The following SNCAIP variants were observed in gnomAD, a reference collection of about 807,000 sequenced individuals.
The protein encoded by SNCAIP is synuclein alpha interacting protein.
A neutral mutation model predicts 86.7 loss-of-function variants in SNCAIP; 43 were observed. The observed-to-expected ratio is 0.50, with a 90% confidence interval of 0.39 to 0.64. The LOEUF (loss-of-function observed/expected upper bound fraction) is 0.64, where lower values mean the gene tolerates loss of function less well. Among genes scored for constraint, SNCAIP ranks in the 30% least tolerant of loss-of-function variants. SNCAIP has a pLI of 0.00. For synonymous variants in SNCAIP, 417 were observed against 427.2 expected, an observed-to-expected ratio of 0.98 and a Z score of 0.29; for missense variants, 981 against 1,103.1, an observed-to-expected ratio of 0.89 and a Z score of 1.57.
At chr5:122,436,912 T>C (rs1057134405) in intron 6 of SNCAIP, 11 of 152,164 alleles carry the variant, frequency 7.2e-5, no homozygotes, top group African/African-American at 2.2e-4. Flanking sequence ...AGGAAACTGC[T>C]GAGGAAAACT....
At chr5:122,438,762 A>G (rs1211288817) in intron 6 of SNCAIP, among the ~76,000 whole-genome samples, 1 of 152,220 alleles carries the variant, frequency 6.6e-6, no homozygotes, top group Non-Finnish European at 1.5e-5. Flanking sequence ...CTTATAAAAT[A>G]AGGCTTTTTG....
At chr5:122,371,337 G>T (rs185365809) in intron 1 of SNCAIP, 2 of 152,020 alleles carry the variant, frequency 1.3e-5, no homozygotes, top group Non-Finnish European at 2.9e-5. Flanking sequence ...ACTTCAGGTG[G>T]TCATTGTGCC....
rs1212303157 is a variant in SNCAIP at position 122,330,117 on chromosome 5, C to CTTTTTTTTTTTTTTTTTT, written c.-47+17838_-47+17855dup. On this transcript the variant is annotated intron_variant, in intron 1 of 10. Coordinates refer to ENST00000261368, the MANE Select transcript of SNCAIP (RefSeq NM_005460.4). ...CTTACCTCCGTGTACAACTTCATTT[C>CTTTTTTTTTTTTTTTTTT]TTTTTTTTTTTTTTTTTTTTTTGAG... Among the ~76,000 whole-genome samples the CTTTTTTTTTTTTTTTTTT allele has an allele frequency of 1.7e-4, 16 of 96,828 alleles. 1 individual carries two copies. The highest frequency in any genetic ancestry group is 2.5e-4 in the Non-Finnish European group (12 of 48,436). The allele number at this position is 96,828 out of a possible 152,430, so 63.5% of individuals were successfully genotyped here.
chr5:122,347,307 T>A (rs1182626940), intron 1 of SNCAIP, among the ~76,000 whole-genome samples: 1 of 152,098 alleles, frequency 6.6e-6, no homozygotes, highest in Non-Finnish European at 1.5e-5. Context: ...AAAGTGATGG[T>A]CATAACATCT....
At chr5:122,383,448 C>T (rs946239164) in intron 1 of SNCAIP, 7 of 152,700 alleles carry the variant, frequency 4.6e-5, no homozygotes, top group Non-Finnish European at 8.8e-5. Flanking sequence ...TCTGGCACTC[C>T]CTAGTGAGAT....
intron 3 of SNCAIP, among the ~76,000 whole-genome samples, chr5:122,409,821 G>A (rs1374696461): frequency 2.6e-5 from 4 of 152,214 alleles, no homozygotes; most frequent in African/African-American, 9.6e-5. Flanking sequence ...AGTTGGTGAT[G>A]CTAAATATAT....
chr5:122,370,242 C>T (rs1480764390), intron 1 of SNCAIP, among the ~76,000 whole-genome samples: 2 of 151,856 alleles, frequency 1.3e-5, no homozygotes, highest in Non-Finnish European at 2.9e-5. Context: ...TAGTATGGCC[C>T]ACATGGATCC....
chr5:122,434,285 A>G (rs1042793072), intron 6 of SNCAIP, among the ~76,000 whole-genome samples: 3 of 152,218 alleles, frequency 2.0e-5, no homozygotes, highest in Non-Finnish European at 2.9e-5. Context: ...GCCAAAGAAA[A>G]GGAGGAAAGA....
chr5:122,440,460 A>G, intron 6 of SNCAIP, 169 bp from the exon 7 acceptor site: 1 of 661,072 alleles, frequency 1.5e-6, no homozygotes, highest in South Asian at 1.8e-5. Flanking sequence ...CATTCATTTC[A>G]GTCAGAGATT....
intron 3 of SNCAIP, among the ~76,000 whole-genome samples, chr5:122,410,742 G>A (rs2152894723): frequency 6.6e-6 from 1 of 152,296 alleles, no homozygotes; most frequent in South Asian, 2.1e-4. Context: ...AAAATTGCTT[G>A]AGCCTGGGAG....
At chr5:122,340,781 A>G (rs768025639) in intron 1 of SNCAIP, among the ~76,000 whole-genome samples, 10 of 152,218 alleles carry the variant, frequency 6.6e-5, no homozygotes, top group Non-Finnish European at 1.3e-4. Context: ...ACATAATCAT[A>G]TGTCAATTCC....
At chr5:122,371,893 G>T (rs1468366287) in intron 1 of SNCAIP, 2 of 152,142 alleles carry the variant, frequency 1.3e-5, no homozygotes, top group Non-Finnish European at 2.9e-5. Flanking sequence ...ATTATTATTA[G>T]GTTATTTTAT....
intron 6 of SNCAIP, chr5:122,436,471 G>C (rs1269201428): frequency 6.6e-6 from 1 of 151,992 alleles, no homozygotes; most frequent in East Asian, 1.9e-4. Context: ...ACTTGCAAAG[G>C]AATTATTAAG....
intron 2 of SNCAIP, among the ~76,000 whole-genome samples, chr5:122,396,435 T>G (rs953891670): frequency 6.6e-6 from 1 of 152,150 alleles, no homozygotes; most frequent in Non-Finnish European, 1.5e-5. Flanking sequence ...GCTGGATTTT[T>G]TTAAATTTTC....
At position 122,327,186 on chromosome 5, in the gene SNCAIP, C is replaced by G. The variant is rs187336758; in HGVS notation, c.-47+14902C>G. Among the ~76,000 whole-genome samples, 3 of 152,122 alleles carry G rather than the reference C, an allele frequency of 2.0e-5. No homozygotes were observed. The East Asian group carries it at 5.8e-4, about 29-fold the overall frequency. The stretch of plus-strand genomic sequence containing the variant: ...TAGTCATTACTATTCTAAATGATTT[C>G]ACTGTTTTCACCACATCAGTTGTGT... On this transcript the variant is annotated intron_variant, in intron 1 of 10. Transcript: ENST00000261368.
At chr5:122,331,495 A>G (rs1040081815) in intron 1 of SNCAIP, among the ~76,000 whole-genome samples, 7 of 152,342 alleles carry the variant, frequency 4.6e-5, no homozygotes, top group Non-Finnish European at 8.8e-5. Flanking sequence ...ATACATATTC[A>G]CTGATTTAAT....
At chr5:122,443,185 C>A (rs2617280) in intron 7 of SNCAIP, among the ~76,000 whole-genome samples, 55,354 of 152,014 alleles carry the variant, frequency 0.36, 10,427 homozygotes, top group South Asian at 0.41. Flanking sequence ...AAGCTCCTTA[C>A]TGACCTCTCA....
intron 1 of SNCAIP, among the ~76,000 whole-genome samples, chr5:122,343,286 C>T (rs1010729817): frequency 2.6e-5 from 4 of 152,128 alleles, no homozygotes; most frequent in African/African-American, 9.7e-5. Context: ...TCATGTTTCC[C>T]CCTCACCTCC....
At chr5:122,450,059 G>A in intron 9 of SNCAIP, 122 bp downstream of exon 9, 1 of 743,970 alleles carries the variant, frequency 1.3e-6, no homozygotes, top group East Asian at 2.7e-5. Context: ...CTTATAAAGA[G>A]GAATAAAAAT....
Sources: gnomAD v4.1 joint callset for allele counts (sites outside exome capture counted in the v4.1 genomes callset) on GRCh38, gnomAD v4.1.1 for gene constraint, MANE v1.5 for transcripts, NCBI Gene and HGNC (gene_info 2026-07-23, HGNC 2026-07-21) for gene names.